Variants in MYH15 observed in about 807,000 individuals in gnomAD.
MYH15 encodes myosin heavy chain 15.
MYH15 carries 227 observed loss-of-function variants against 240.5 expected under a neutral mutation model. The ratio of observed to expected loss-of-function variants is 0.94; its 90% CI spans 0.85 to 1.05. The LOEUF (loss-of-function observed/expected upper bound fraction) is 1.05, where lower values mean the gene tolerates loss of function less well. MYH15 is among the 50% of genes least tolerant of loss of function. The probability of loss-of-function intolerance (pLI) is 0.00; values close to 1 mark genes in which losing one functional copy is unlikely to be tolerated. For synonymous variants in MYH15, 785 were observed against 796.7 expected (o/e 0.99, Z 0.25); for missense variants, 2,217 against 2,247.5 (o/e 0.99, Z 0.27).
chr3:108,394,744 T>A (rs989887699), intron 35 of MYH15, among the ~76,000 whole-genome samples: 1 of 152,244 alleles, frequency 6.6e-6, no homozygotes, highest in Non-Finnish European at 1.5e-5. Flanking sequence ...TGGTTGGTGC[T>A]GCCCTAATTC....
chr3:108,484,977 G>T, intron 11 of MYH15, 114 bp downstream of exon 11: 1 of 1,120,564 alleles, frequency 8.9e-7, no homozygotes, highest in East Asian at 2.4e-5. Flanking sequence ...AGCAATCAAG[G>T]GAGACACTAT....
In MYH15 at chr3:108,456,902, C is replaced by A; in HGVS notation, c.2021-19G>T. ...AGTATACCTGGAAAAAAAAAAGAGT[C>A]ATGGTGGATCTGTGCCTGAAAAAAA... On this transcript the variant is annotated intron_variant, in intron 18 of 40. Coordinates refer to ENST00000693548, the MANE Select transcript of MYH15 (RefSeq NM_014981.3). The A allele has an allele frequency of 1.3e-6, 2 of 1,547,356 alleles. No homozygotes were observed. The highest frequency in any genetic ancestry group is 2.3e-5 in the South Asian group (2 of 87,534).
chr3:108,510,500 C>T lies in MYH15; in HGVS notation c.31G>A (p.Ala11Thr). 1 of 1,613,470 alleles carries T rather than the reference C, an allele frequency of 6.2e-7. No individual in the cohort carries two copies. Among genetic ancestry groups the T allele is most frequent in the Middle Eastern group, 1.7e-4 (1 of 6,056 alleles). Residue 11 changes from alanine to threonine, a missense_variant, in exon 1 of 41, where the codon GCC becomes ACC. By Grantham distance (58) the Ala-to-Thr change is moderately conservative. Coordinates refer to ENST00000693548, the MANE Select transcript of MYH15 (RefSeq NM_014981.3). Reference protein sequence around the residue: MDLSDLGEAAAFLRRSEAELL... With the variant: MDLSDLGEAATFLRRSEAELL... ...TCAGCTTCACTTCTTCTGAGGAAGG[C>T]TGCGGCTTCTCCAAGGTCTGACAGA...
intron 36 of MYH15, among the ~76,000 whole-genome samples, chr3:108,392,208 T>C (rs2082427675): frequency 6.6e-6 from 1 of 152,154 alleles, no homozygotes; most frequent in South Asian, 2.1e-4. Flanking sequence ...ACACCTGTAT[T>C]AAAATAAAGA....
chr3:108,410,767 C>T lies in MYH15; in HGVS notation c.4311G>A (p.Lys1437=). ...CAAGGGCCTTGCCAGACTGCAGCTG[C>T]TTCTGGTCCAGCCTGGCTGCTGCAG... ...VRSAAARLDQ[K]QLQSGKALAD... The change falls in exon 31 of 41, where the codon AAG becomes AAA. Residue 1437 remains lysine, a synonymous_variant. Coordinates refer to ENST00000693548, the MANE Select transcript of MYH15 (RefSeq NM_014981.3). 2.5e-6 allele frequency: 4 copies of T among 1,614,152 alleles called. No homozygotes were observed. The highest frequency in any genetic ancestry group is 3.4e-6 in the Non-Finnish European group (4 of 1,180,014).
At chr3:108,427,637 G>C (rs9828481) in intron 27 of MYH15, among the ~76,000 whole-genome samples, 2,878 of 52,862 alleles carry the variant, frequency 0.054, 72 homozygotes, top group African/African-American at 0.12. Context: ...CACACACACA[G>C]AGAGAGAGAG....
At chr3:108,548,916 C>T in the MYH15 span, among the ~76,000 whole-genome samples, 1 of 151,990 alleles carries the variant, frequency 6.6e-6, no homozygotes, top group Non-Finnish European at 1.5e-5. Flanking sequence ...TGGACACTGA[C>T]CTGATAATTT....
At chr3:108,527,132 C>A (rs887053237) in intron 1 of MYH15, among the ~76,000 whole-genome samples, 10 of 152,090 alleles carry the variant, frequency 6.6e-5, no homozygotes, top group Admixed American at 3.9e-4. Context: ...TGGATGGGGC[C>A]TGAGAAGTTG....
chr3:108,420,891 G>A (rs2082677122), intron 28 of MYH15, among the ~76,000 whole-genome samples, 197 bp downstream of exon 28: 1 of 152,090 alleles, frequency 6.6e-6, no homozygotes, highest in Admixed American at 6.5e-5. Flanking sequence ...CTAGGCAGGG[G>A]TTCCCAAGTG....
At chr3:108,430,762 G>T in intron 26 of MYH15, 70 bp downstream of exon 26, 3 of 1,205,092 alleles carry the variant, frequency 2.5e-6, no homozygotes, top group Non-Finnish European at 2.4e-6. Context: ...CAGAGAATTA[G>T]TCATTGAACC....
chr3:108,406,633 C>T (rs533468257), intron 32 of MYH15, among the ~76,000 whole-genome samples: 1 of 152,224 alleles, frequency 6.6e-6, no homozygotes, highest in East Asian at 1.9e-4. Flanking sequence ...TTAAAAAAAT[C>T]TGATAAAGTT....
chr3:108,473,888 G>A (rs1483241594), intron 12 of MYH15, among the ~76,000 whole-genome samples: 2 of 152,142 alleles, frequency 1.3e-5, no homozygotes, highest in African/African-American at 2.4e-5. Flanking sequence ...CAGTGACTAA[G>A]AATGCTACTG....
chr3:108,528,713 C>T (rs141329754), intron 1 of MYH15, among the ~76,000 whole-genome samples: 13 of 152,230 alleles, frequency 8.5e-5, no homozygotes, highest in South Asian at 4.1e-4. Context: ...AAAAGAGAGA[C>T]GACTACACAA....
At chr3:108,533,118 CT>C (rs10561890), upstream of MYH15, among the ~76,000 whole-genome samples, 26,972 of 96,292 alleles carry the variant, frequency 0.28, 2,216 homozygotes, top group Middle Eastern at 0.35. Flanking sequence ...ACAATAAAAG[CT>C]TTTTTTTTTT....
At chr3:108,460,872 G>A (rs1309996289) in intron 16 of MYH15, among the ~76,000 whole-genome samples, 1 of 152,072 alleles carries the variant, frequency 6.6e-6, no homozygotes, top group Non-Finnish European at 1.5e-5. Flanking sequence ...CATGAAAAAT[G>A]TTGGGAGGTG....
upstream of MYH15, among the ~76,000 whole-genome samples, chr3:108,534,230 C>T (rs573087827): frequency 3.3e-5 from 5 of 152,272 alleles, no homozygotes; most frequent in South Asian, 1.0e-3. Flanking sequence ...CTAAGGCTCA[C>T]ATCAGAAAAC....
At chr3:108,496,757 T>C (rs889542448) in intron 6 of MYH15, among the ~76,000 whole-genome samples, 9 of 151,024 alleles carry the variant, frequency 6.0e-5, no homozygotes, top group Non-Finnish European at 7.4e-5. Context: ...GTATTATATA[T>C]TATCATAAAA....
chr3:108,433,084 G>A (rs2082794099), intron 25 of MYH15, among the ~76,000 whole-genome samples: 1 of 152,198 alleles, frequency 6.6e-6, no homozygotes. Context: ...GAAGGCAGCT[G>A]GGAGGGAGGC....
intron 35 of MYH15, among the ~76,000 whole-genome samples, chr3:108,396,915 G>A (rs747988815): frequency 2.0e-5 from 3 of 152,140 alleles, no homozygotes; most frequent in Non-Finnish European, 4.4e-5. Context: ...CATTCTGGAA[G>A]GGGCAGTTCC....
Sources: allele counts gnomAD v4.1 joint callset (sites outside exome capture counted in the v4.1 genomes callset), GRCh38; gene constraint gnomAD v4.1.1; transcripts MANE v1.5; gene names NCBI Gene and HGNC (gene_info 2026-07-23, HGNC 2026-07-21).